The following ERCC6L2 variants were observed in gnomAD, a reference collection of about 807,000 sequenced individuals.
ERCC6L2 encodes DNA excision repair protein ERCC-6-like 2.
Under a neutral mutation model 132.0 loss-of-function variants are expected in ERCC6L2, and 77 were observed. The observed-to-expected ratio is 0.58, with a 90% CI of 0.49 to 0.71. The LOEUF (loss-of-function observed/expected upper bound fraction) is 0.71. Among genes scored for constraint, ERCC6L2 ranks in the 30% least tolerant of loss-of-function variants. The pLI is 0.00. For missense variants in ERCC6L2, 1,542 were observed against 1,837.6 expected (o/e 0.84, Z 2.94); for synonymous variants, 583 against 632.4 (o/e 0.92, Z 1.17).
intron 13 of ERCC6L2, among the ~76,000 whole-genome samples, chr9:95,962,778 A>G (rs1831969710): frequency 6.6e-6 from 1 of 152,204 alleles, no homozygotes; most frequent in South Asian, 2.1e-4. Context: ...GGCCACATCC[A>G]GATAAGCCTA....
At chr9:96,000,540 G>A (rs1833631194) in intron 17 of ERCC6L2, among the ~76,000 whole-genome samples, 1 of 152,064 alleles carries the variant, frequency 6.6e-6, no homozygotes, top group Non-Finnish European at 1.5e-5. Flanking sequence ...ATAACATGTT[G>A]GCAGGAACGT....
chr9:95,963,535 A>G (rs1210949530), intron 13 of ERCC6L2, among the ~76,000 whole-genome samples: 1 of 151,484 alleles, frequency 6.6e-6, no homozygotes, highest in East Asian at 1.9e-4. Flanking sequence ...CACCCTCCAC[A>G]CTCCTCTCCA....
intron 9 of ERCC6L2, among the ~76,000 whole-genome samples, chr9:95,927,387 C>CT (rs1830145781): frequency 6.6e-6 from 1 of 152,044 alleles, no homozygotes; most frequent in Non-Finnish European, 1.5e-5. Context: ...CTGTGGATTG[C>CT]TTTTCCACAT....
chr9:96,022,947 G>A (rs1001133056), downstream of ERCC6L2, among the ~76,000 whole-genome samples: 15 of 152,214 alleles, frequency 9.9e-5, no homozygotes, highest in Non-Finnish European at 1.8e-4. Flanking sequence ...GCGCTCTCCC[G>A]TCCCTCACCC....
chr9:95,963,579 G>C (rs777051729), intron 13 of ERCC6L2, among the ~76,000 whole-genome samples: 76 of 152,030 alleles, frequency 5.0e-4, no homozygotes, highest in Non-Finnish European at 9.6e-4. Flanking sequence ...AATTAACTTT[G>C]ATAAAACATG....
At position 95,987,022 on chromosome 9, in the gene ERCC6L2, C is replaced by T. The variant is rs1833122542; in HGVS notation, c.3492+8807C>T. Among the ~76,000 whole-genome samples the T allele has an allele frequency of 2.6e-5, 4 of 152,318 alleles. No individual in the cohort carries two copies. The South Asian group carries it at 8.3e-4, about 32-fold the overall frequency. On this transcript the variant is annotated intron_variant, in intron 17 of 18. Transcript: ENST00000653738. ...AAGGAGCAACCCCTTATTAAACCAT[C>T]ACATCTCATGAGACTTATTCACTAC...
intron 17 of ERCC6L2, among the ~76,000 whole-genome samples, chr9:95,985,744 C>T (rs566231988): frequency 6.6e-6 from 1 of 152,196 alleles, no homozygotes; most frequent in African/African-American, 2.4e-5. Flanking sequence ...CCCTAGTGTG[C>T]TTTTCTAGTC....
intron 17 of ERCC6L2, among the ~76,000 whole-genome samples, chr9:96,001,359 G>C (rs1327162108): frequency 1.3e-5 from 2 of 152,140 alleles, no homozygotes; most frequent in African/African-American, 4.8e-5. Context: ...TGTTTTGTCA[G>C]GGCGCTGATT....
intron 13 of ERCC6L2, among the ~76,000 whole-genome samples, chr9:95,963,939 C>T (rs760734948): frequency 3.3e-5 from 5 of 152,154 alleles, no homozygotes; most frequent in Non-Finnish European, 7.4e-5. Flanking sequence ...ACCTTGATCG[C>T]AGGTCAAGTT....
chr9:95,928,457 A>G (rs913300090), intron 10 of ERCC6L2, among the ~76,000 whole-genome samples: 1 of 152,166 alleles, frequency 6.6e-6, no homozygotes, highest in African/African-American at 2.4e-5. Context: ...TATGTAAATG[A>G]TTTGACCAGT....
intron 17 of ERCC6L2, among the ~76,000 whole-genome samples, chr9:96,001,008 A>G (rs980816495): frequency 9.9e-5 from 15 of 150,814 alleles, no homozygotes; most frequent in South Asian, 2.1e-4. Flanking sequence ...TGGTGGGTTC[A>G]TGGTCTCGCT....
At chr9:95,928,623 A>G in intron 10 of ERCC6L2, 96 bp from the exon 11 acceptor site, 2 of 1,071,898 alleles carry the variant, frequency 1.9e-6, no homozygotes, top group Non-Finnish European at 2.6e-6. Context: ...AATTATGAAC[A>G]CCAATAATTA....
In ERCC6L2 at chr9:96,017,188, GGT is replaced by G. The variant is rs1395553691; in HGVS notation, c.*3986_*3987del. ...TGCTTCTAGGAGGCCTTACTGGGAT[GGT>G]TCATAAGCCACTTTCCTCTTGGTGA... On this transcript the variant is annotated 3_prime_UTR_variant, in exon 19 of 19. Coordinates refer to ENST00000653738, the MANE Select transcript of ERCC6L2 (RefSeq NM_020207.7). Among the ~76,000 whole-genome samples the G allele has an allele frequency of 1.3e-5, 2 of 152,156 alleles. No individual in the cohort carries two copies. The highest frequency in any genetic ancestry group is 6.5e-5 in the Admixed American group (1 of 15,274).
intron 12 of ERCC6L2, among the ~76,000 whole-genome samples, chr9:95,944,493 C>G (rs1830956668): frequency 6.6e-6 from 1 of 152,140 alleles, no homozygotes; most frequent in African/African-American, 2.4e-5. Flanking sequence ...GCACTGTACT[C>G]TTAAAAATAG....
intron 11 of ERCC6L2, among the ~76,000 whole-genome samples, chr9:95,937,197 A>G (rs1469396765): frequency 6.6e-6 from 1 of 152,188 alleles, no homozygotes; most frequent in East Asian, 1.9e-4. Context: ...AGAAATTGCT[A>G]AACTGTTAAC....
Position 95,907,212 on chromosome 9 carries a change from A to T in ERCC6L2, c.729A>T (p.Lys243Asn). Residue 243 changes from lysine to asparagine, a missense_variant, in exon 4 of 19, where the codon AAA becomes AAT. This residue lies in a region of ERCC6L2 where 945 missense variants were observed against 1,105.2 expected (regional missense o/e 0.86). Coordinates refer to ENST00000653738, the MANE Select transcript of ERCC6L2 (RefSeq NM_020207.7). ...DNELIRVKQRKCEIALTTYET... is the reference protein window; with the variant it reads ...DNELIRVKQRNCEIALTTYET... Reference sequence around the variant, plus strand: ...AATTAATTCGTGTAAAGCAGAGGAAATGTGAAATTGCTCTAACAACTTATG... The same window carrying T: ...AATTAATTCGTGTAAAGCAGAGGAATTGTGAAATTGCTCTAACAACTTATG... The T allele has an allele frequency of 6.2e-7, 1 of 1,613,358 alleles. No individual in the cohort carries two copies. The highest frequency in any genetic ancestry group is 8.5e-7 in the Non-Finnish European group (1 of 1,179,764).
chr9:95,995,641 G>A (rs1411812292), intron 17 of ERCC6L2, among the ~76,000 whole-genome samples: 3 of 152,126 alleles, frequency 2.0e-5, no homozygotes. Context: ...CTTCACACAA[G>A]GCTATTGGCA....
At chr9:95,996,622 A>G (rs1454784138) in intron 17 of ERCC6L2, among the ~76,000 whole-genome samples, 1 of 152,172 alleles carries the variant, frequency 6.6e-6, no homozygotes, top group East Asian at 1.9e-4. Flanking sequence ...ATAATTTACC[A>G]TTTGGAAAAT....
At chr9:95,877,406 A>T (rs547490437) in intron 1 of ERCC6L2, among the ~76,000 whole-genome samples, 31 of 152,106 alleles carry the variant, frequency 2.0e-4, no homozygotes, top group African/African-American at 7.0e-4. Context: ...TCCCTTTTAA[A>T]TTACATTTCT....
Sources: allele counts gnomAD v4.1 joint callset (sites outside exome capture counted in the v4.1 genomes callset), GRCh38; gene constraint gnomAD v4.1.1; regional missense constraint gnomAD v4.1.1; transcripts MANE v1.5; gene names NCBI Gene and HGNC (gene_info 2026-07-23, HGNC 2026-07-21).